The following OR8D1 variants were observed in gnomAD, a reference collection of about 807,000 sequenced individuals.
OR8D1 encodes the protein olfactory receptor family 8 subfamily D member 1.
For synonymous variants in OR8D1, 143 were observed against 147.0 expected, an observed-to-expected ratio of 0.97 and a Z score of 0.20; for missense variants, 384 against 366.8, an observed-to-expected ratio of 1.05 and a Z score of -0.38.
At position 124,307,843 on chromosome 11, in the gene OR8D1, G is replaced by A. The variant is rs750959501; in HGVS notation, c.*1997C>T. The A allele has an allele frequency of 6.6e-6, 1 of 152,050 alleles. No individual in the cohort carries two copies. The highest frequency in any genetic ancestry group is 1.5e-5 in the Non-Finnish European group (1 of 68,000). 9.4% of individuals were successfully genotyped at this position (152,050 alleles called of 1,614,324 possible). A position where few individuals can be genotyped will look rare whatever the true frequency, so the allele number is the denominator to read the frequency against. Reference sequence around the variant, plus strand: ...CAAGCTCTCCCTGGATTTGTTAAATGTATAAGTTCTGAGCAGGGCTACAAA... The same window carrying A: ...CAAGCTCTCCCTGGATTTGTTAAATATATAAGTTCTGAGCAGGGCTACAAA... On this transcript the variant is annotated 3_prime_UTR_variant, in exon 3 of 3. Transcript: ENST00000641015.
In OR8D1 at chr11:124,310,382, G is replaced by A. The variant is rs763827198; in HGVS notation, c.385C>T (p.Pro129Ser). 6.2e-6 allele frequency: 10 copies of A among 1,613,364 alleles called. No homozygotes were observed. In the Admixed American group the frequency reaches 1.7e-4, roughly 27 times the overall value. The change falls in exon 3 of 3, where the codon CCA (proline) becomes TCA (serine). Residue 129 changes from proline to serine, a missense_variant. Coordinates refer to ENST00000641015, the MANE Select transcript of OR8D1 (RefSeq NM_001002917.2). ...AYDRYVAICSPLLYNAIMSSW... is the reference protein window; with the variant it reads ...AYDRYVAICSSLLYNAIMSSW... ...GACATGATCGCATTATAAAGCAGTG[G>A]GCTACAGATGGCAACATAGCGATCA... is the stretch of plus-strand genomic sequence containing the variant.
Position 124,310,678 on chromosome 11 carries a change from A to C in OR8D1, c.89T>G (p.Leu30Arg). 1 of 1,613,908 alleles carries C rather than the reference A, an allele frequency of 6.2e-7. No homozygotes were observed. Among genetic ancestry groups the C allele is most frequent in the South Asian group, 1.1e-5 (1 of 91,078 alleles). The change falls in exon 3 of 3, where the codon CTG becomes CGG. Residue 30 changes from leucine to arginine, a missense_variant. Coordinates refer to ENST00000641015, the MANE Select transcript of OR8D1 (RefSeq NM_001002917.2). ...QAELQLPLFL[L>R]FLGIYVVTVV... ...TGTGACCACATAGATTCCCAGGAAC[A>C]GGAGGAAGAGGGGCAGCTGGAGCTC...
chr11:124,310,291 T>G lies in OR8D1; in HGVS notation c.476A>C (p.His159Pro). The G allele has an allele frequency of 6.2e-7, 1 of 1,613,776 alleles. No homozygotes were observed. The highest frequency in any genetic ancestry group is 1.3e-5 in the African/African-American group (1 of 74,992). ...FFLGFLSALT[H>P]TSAMMKLSFC... ...GGACAGTTTCATCATGGCACTTGTATGAGTCAAGGCAGAGAGAAAGCCCAA... is the reference window on the plus strand; with the variant it reads ...GGACAGTTTCATCATGGCACTTGTAGGAGTCAAGGCAGAGAGAAAGCCCAA... Residue 159 changes from histidine (H) to proline (P), a missense_variant, in exon 3 of 3, where the codon CAT becomes CCT. By Grantham distance (77) the His-to-Pro change is moderately conservative. Coordinates refer to ENST00000641015, the MANE Select transcript of OR8D1 (RefSeq NM_001002917.2).
chr11:124,312,966 G>A (rs1467170156), intron 1 of OR8D1, among the ~76,000 whole-genome samples: 1 of 151,712 alleles, frequency 6.6e-6, no homozygotes, highest in Non-Finnish European at 1.5e-5. Context: ...CTGAAATCAG[G>A]AGTTCAAGAT....
Position 124,310,000 on chromosome 11 carries a change from G to A in OR8D1, c.767C>T (p.Thr256Ile). Residue 256 changes from threonine to isoleucine, a missense_variant, in exon 3 of 3, where the codon ACC becomes ATC. Thr to Ile is a moderately conservative substitution (Grantham distance 89, BLOSUM62 -1). Transcript: ENST00000641015. ...MAVVIFFGSI[T>I]FMYFKPPSSN... ...TGAAGGGGGCTTGAAATACATGAAG[G>A]TAATGGACCCAAAGAAGATCACCAC... 6.3e-7 allele frequency: 1 copy of A among 1,592,808 alleles called. No homozygotes were observed. The highest frequency in any genetic ancestry group is 8.5e-7 in the Non-Finnish European group (1 of 1,169,704).
rs1370821811 is a variant in OR8D1, at chr11:124,307,434, A to G, written c.*2406T>C. 1 of 152,150 alleles carries G rather than the reference A, an allele frequency of 6.6e-6. No homozygotes were observed. Among genetic ancestry groups the G allele is most frequent in the Non-Finnish European group, 1.5e-5 (1 of 68,026 alleles). 9.4% of individuals were successfully genotyped at this position (152,150 alleles called of 1,614,324 possible). On this transcript the variant is annotated 3_prime_UTR_variant, in exon 3 of 3. Coordinates refer to ENST00000641015, the MANE Select transcript of OR8D1 (RefSeq NM_001002917.2). ...AGTGAATAACTTTAGAAGAGCACAG[A>G]TTCATTCCCCTGGAGATCATGCTGC... is the stretch of plus-strand genomic sequence containing the variant.
At chr11:124,311,535 C>T (rs1277180387) in intron 2 of OR8D1, 37 bp downstream of exon 2, 1 of 152,324 alleles carries the variant, frequency 6.6e-6, no homozygotes, top group South Asian at 2.1e-4. Flanking sequence ...CTACTTCCCC[C>T]CTGACTTACG....
rs776001694 is a variant in OR8D1, at chr11:124,310,559, C to A, written c.208G>T (p.Asp70Tyr). ...YYFLSSLSFV[D>Y]FCYSSVITPK... ...GTAATGACAGAGGAATAGCAGAAAT[C>A]GACGAAGGACAAGCTGCTGAGGAAA... Residue 70 changes from aspartate (D) to tyrosine (Y), a missense_variant, in exon 3 of 3, where the codon GAT (aspartate) becomes TAT (tyrosine). By Grantham distance (160) the Asp-to-Tyr change is radical (BLOSUM62 -3). Coordinates refer to ENST00000641015, the MANE Select transcript of OR8D1 (RefSeq NM_001002917.2). 8.1e-6 allele frequency: 13 copies of A among 1,613,602 alleles called. No homozygotes were observed. Among genetic ancestry groups the A allele is most frequent in the African/African-American group, 2.7e-5 (2 of 74,850 alleles).
rs548532117 is a variant in OR8D1 at position 124,305,038 on chromosome 11, G to C, written c.*4802C>G. On this transcript the variant is annotated 3_prime_UTR_variant, in exon 3 of 3. Transcript: ENST00000641015. ...TAATCAATCTCTAGTTAGTGTGTGT[G>C]TATGGTGTCAGGCATTGAATCAGGT... 6.6e-6 allele frequency: 1 copy of C among 152,008 alleles called. No individual in the cohort carries two copies. Among genetic ancestry groups the C allele is most frequent in the African/African-American group, 2.4e-5 (1 of 41,488 alleles). 9.4% of individuals were successfully genotyped at this position (152,008 alleles called of 1,614,324 possible).
In OR8D1 at chr11:124,309,437, A is replaced by G. The variant is rs1369601285; in HGVS notation, c.*403T>C. On this transcript the variant is annotated 3_prime_UTR_variant, in exon 3 of 3. Transcript: ENST00000641015. ...ATTTGTCTAATTCCCTGAAGAATTA[A>G]TAGATATCTGGGATCAGGCTAACAT... 2.0e-5 allele frequency: 3 copies of G among 152,286 alleles called. No individual in the cohort carries two copies. The highest frequency in any genetic ancestry group is 7.3e-5 in the African/African-American group (3 of 41,268). The allele number at this position is 152,286 out of a possible 1,614,324, so 9.4% of individuals were successfully genotyped here.
rs1239601297 is a variant in OR8D1, at chr11:124,303,643, T to G, written c.*6197A>C. The G allele has an allele frequency of 1.3e-5, 2 of 152,178 alleles. No homozygotes were observed. Among genetic ancestry groups the G allele is most frequent in the East Asian group, 3.9e-4 (2 of 5,176 alleles). 9.4% of individuals were successfully genotyped at this position (152,178 alleles called of 1,614,324 possible). ...CCTTTAGCTTTATGTATGATGCCTT[T>G]TATTGTAAAGTTTTTTAATGTGGCT... On this transcript the variant is annotated 3_prime_UTR_variant, in exon 3 of 3. Transcript: ENST00000641015.
chr11:124,307,689 G>A lies in OR8D1; in HGVS notation c.*2151C>T, dbSNP rs1243824746. ...GCTTTTTTCAAGAAAGTCATGATAT[G>A]ATTATAGGGAAAAGAGAATATTTTC... On this transcript the variant is annotated 3_prime_UTR_variant, in exon 3 of 3. Coordinates refer to ENST00000641015, the MANE Select transcript of OR8D1 (RefSeq NM_001002917.2). 1 of 152,134 alleles carries A rather than the reference G, an allele frequency of 6.6e-6. No individual in the cohort carries two copies. The highest frequency in any genetic ancestry group is 2.4e-5 in the African/African-American group (1 of 41,438). 9.4% of individuals were successfully genotyped at this position (152,134 alleles called of 1,614,324 possible).
rs946338173 is a variant in OR8D1 at position 124,308,107 on chromosome 11, G to A, written c.*1733C>T. 2.6e-5 allele frequency: 4 copies of A among 151,992 alleles called. No homozygotes were observed. The highest frequency in any genetic ancestry group is 9.7e-5 in the African/African-American group (4 of 41,414). The allele number at this position is 151,992 out of a possible 1,614,324, so 9.4% of individuals were successfully genotyped here. ...CACCCTGTTTCTAAGAATCAAATCT[G>A]CTTAGAAAATAAAGTGATTTAGAAA... On this transcript the variant is annotated 3_prime_UTR_variant, in exon 3 of 3. Coordinates refer to ENST00000641015, the MANE Select transcript of OR8D1 (RefSeq NM_001002917.2).
Position 124,303,148 on chromosome 11 carries a change from T to TA in OR8D1, c.*6691dup, listed in dbSNP as rs753490568. Reference sequence around the variant, plus strand: ...ATGGCTGGGGAAGCCTCAGGAAACTTACAATCATAGCAGAAGGGAACGCAG... The same window carrying TA: ...ATGGCTGGGGAAGCCTCAGGAAACTTAACAATCATAGCAGAAGGGAACGCAG... On this transcript the variant is annotated 3_prime_UTR_variant, in exon 3 of 3. Coordinates refer to ENST00000641015, the MANE Select transcript of OR8D1 (RefSeq NM_001002917.2). 3 of 152,370 alleles carry TA rather than the reference T, an allele frequency of 2.0e-5. No individual in the cohort carries two copies. The highest frequency in any genetic ancestry group is 4.8e-5 in the African/African-American group (2 of 41,442). 9.4% of individuals were successfully genotyped at this position (152,370 alleles called of 1,614,324 possible). A position where few individuals can be genotyped will look rare whatever the true frequency, so the allele number is the denominator to read the frequency against.
Position 124,306,228 on chromosome 11 carries a change from TAC to T in OR8D1, c.*3610_*3611del, listed in dbSNP as rs781499479. 3.7e-4 allele frequency: 56 copies of T among 151,544 alleles called. No homozygotes were observed. Among genetic ancestry groups the T allele is most frequent in the Middle Eastern group, 3.5e-3 (1 of 286 alleles). 9.4% of individuals were successfully genotyped at this position (151,544 alleles called of 1,614,324 possible). ...TATCAACCTGTCTTACAGAAATTAA[TAC>T]AGTTATCTATATATATTATCATTCT... On this transcript the variant is annotated 3_prime_UTR_variant, in exon 3 of 3. Coordinates refer to ENST00000641015, the MANE Select transcript of OR8D1 (RefSeq NM_001002917.2).
chr11:124,308,388 C>T lies in OR8D1; in HGVS notation c.*1452G>A, dbSNP rs1365889125. ...ATGGGAGGACTTGAGAAGATATAGG[C>T]ACTGTATCTGAGAAACTCTAAGATA... On this transcript the variant is annotated 3_prime_UTR_variant, in exon 3 of 3. Transcript: ENST00000641015. 4 of 152,000 alleles carry T rather than the reference C, an allele frequency of 2.6e-5. No individual in the cohort carries two copies. Among genetic ancestry groups the T allele is most frequent in the Non-Finnish European group, 5.9e-5 (4 of 67,984 alleles). The allele number at this position is 152,000 out of a possible 1,614,324, so 9.4% of individuals were successfully genotyped here. A position where few individuals can be genotyped will look rare whatever the true frequency, so the allele number is the denominator to read the frequency against.
rs2137792223 is a variant in OR8D1 at position 124,310,394 on chromosome 11, C to A, written c.373G>T (p.Ala125Ser). The change falls in exon 3 of 3, where the codon GCC becomes TCC. Residue 125 changes from alanine (A) to serine (S), a missense_variant. Ala to Ser is a moderately conservative substitution (Grantham distance 99). Coordinates refer to ENST00000641015, the MANE Select transcript of OR8D1 (RefSeq NM_001002917.2). ...TTATAAAGCAGTGGGCTACAGATGG[C>A]AACATAGCGATCATATGCCATGGCA... ...LTAMAYDRYV[A>S]ICSPLLYNAI... 1 of 1,613,392 alleles carries A rather than the reference C, an allele frequency of 6.2e-7. No individual in the cohort carries two copies. The highest frequency in any genetic ancestry group is 8.5e-7 in the Non-Finnish European group (1 of 1,179,770).
Position 124,309,668 on chromosome 11 carries a change from T to C in OR8D1, c.*172A>G. ...AAGATAAGAATGTTAATACCTGCTT[T>C]ACACAATTCTTTTATTTTGTTGAGA... is the stretch of plus-strand genomic sequence containing the variant. On this transcript the variant is annotated 3_prime_UTR_variant, in exon 3 of 3. Transcript: ENST00000641015. 2 of 399,724 alleles carry C rather than the reference T, an allele frequency of 5.0e-6. No individual in the cohort carries two copies. The highest frequency in any genetic ancestry group is 8.8e-6 in the Non-Finnish European group (2 of 227,440). The allele number at this position is 399,724 out of a possible 1,614,324, so 24.8% of individuals were successfully genotyped here.
Position 124,303,731 on chromosome 11 carries a change from C to G in OR8D1, c.*6109G>C, listed in dbSNP as rs1315919606. 14 of 151,754 alleles carry G rather than the reference C, an allele frequency of 9.2e-5. No individual in the cohort carries two copies. Among genetic ancestry groups the G allele is most frequent in the Admixed American group, 9.2e-4 (14 of 15,200 alleles). The allele number at this position is 151,754 out of a possible 1,614,324, so 9.4% of individuals were successfully genotyped here. ...TTGAAGTCATAAAGTCCTCTGTTTT[C>G]TTATTTTTATATTATAATCATTTCA... On this transcript the variant is annotated 3_prime_UTR_variant, in exon 3 of 3. Transcript: ENST00000641015.
Sources: allele counts gnomAD v4.1 joint callset (sites outside exome capture counted in the v4.1 genomes callset), GRCh38; gene constraint gnomAD v4.1.1; transcripts MANE v1.5; gene names NCBI Gene and HGNC (gene_info 2026-07-23, HGNC 2026-07-21).